Variants in HHAT observed in about 807,000 individuals in gnomAD.
HHAT encodes the protein protein-cysteine N-palmitoyltransferase HHAT.
HHAT carries 47 observed loss-of-function variants against 70.8 expected under a neutral mutation model. The observed-to-expected ratio is 0.66, with a 90% CI of 0.53 to 0.85. The LOEUF (loss-of-function observed/expected upper bound fraction) is 0.85, where lower values mean the gene tolerates loss of function less well. Among genes scored for constraint, HHAT ranks in the 40% least tolerant of loss-of-function variants. The pLI, the probability that HHAT is intolerant of heterozygous loss-of-function variation, is 0.00. For synonymous variants in HHAT, 228 were observed against 247.6 expected (o/e 0.92, Z 0.74); for missense variants, 609 against 604.8 (o/e 1.01, Z -0.07).
chr1:210,572,526 A>G (rs1176742525), intron 9 of HHAT, among the ~76,000 whole-genome samples: 2 of 152,172 alleles, frequency 1.3e-5, no homozygotes, highest in South Asian at 2.1e-4. Context: ...AAGAAAGCCC[A>G]GGATACAATA....
intron 9 of HHAT, among the ~76,000 whole-genome samples, chr1:210,538,214 G>C (rs1042505236): frequency 6.6e-6 from 1 of 151,936 alleles, no homozygotes; most frequent in Admixed American, 6.6e-5. Flanking sequence ...ATTCCTCATT[G>C]ATAGATAGCA....
intron 3 of HHAT, among the ~76,000 whole-genome samples, chr1:210,369,014 G>T (rs867370694): frequency 2.2e-4 from 34 of 152,032 alleles, no homozygotes; most frequent in Non-Finnish European, 4.6e-4. Context: ...GGAGGCGGAG[G>T]TTGCAGTGAG....
intron 8 of HHAT, among the ~76,000 whole-genome samples, chr1:210,494,836 G>A (rs2094609521): frequency 6.6e-6 from 1 of 152,148 alleles, no homozygotes; most frequent in South Asian, 2.1e-4. Flanking sequence ...CCAGGCATGA[G>A]CCACTGTGCC....
Position 210,651,565 on chromosome 1 carries a change from C to T in HHAT, c.1391-22723C>T, listed in dbSNP as rs533983761. 3.9e-5 allele frequency among the ~76,000 whole-genome samples: 6 copies of T among 152,270 alleles called. No individual in the cohort carries two copies. In the South Asian group the frequency reaches 1.2e-3, roughly 32 times the overall value. On this transcript the variant is annotated intron_variant, in intron 11 of 11. Transcript: ENST00000261458. ...ACGATGGAACCTCAGAGCAGGGGGA[C>T]TGCGCAGCCAGCTCTCAGACCCCAA... is the stretch of plus-strand genomic sequence containing the variant.
chr1:210,575,336 A>G (rs751690675), intron 9 of HHAT, among the ~76,000 whole-genome samples: 2 of 152,104 alleles, frequency 1.3e-5, no homozygotes, highest in Non-Finnish European at 2.9e-5. Context: ...CAGCCAGAAA[A>G]TCTTGGTGGT....
chr1:210,661,343 A>C (rs994869444), intron 11 of HHAT, among the ~76,000 whole-genome samples: 1 of 152,220 alleles, frequency 6.6e-6, no homozygotes, highest in African/African-American at 2.4e-5. Context: ...AATCAAAACC[A>C]CAATGAGATA....
chr1:210,618,499 A>G (rs2148862706), intron 10 of HHAT, among the ~76,000 whole-genome samples: 1 of 152,262 alleles, frequency 6.6e-6, no homozygotes, highest in South Asian at 2.1e-4. Context: ...TAGCTTCTCC[A>G]CCACTTAAAA....
intron 9 of HHAT, among the ~76,000 whole-genome samples, chr1:210,558,260 C>G (rs1164732996): frequency 6.6e-6 from 1 of 152,218 alleles, no homozygotes; most frequent in Non-Finnish European, 1.5e-5. Flanking sequence ...ACCTAGTGGT[C>G]TCAGTGTCCC....
chr1:210,547,529 G>C (rs1471669967), intron 9 of HHAT, among the ~76,000 whole-genome samples: 1 of 152,130 alleles, frequency 6.6e-6, no homozygotes, highest in East Asian at 1.9e-4. Context: ...GTTGTGATGA[G>C]GGCATATTTA....
At chr1:210,633,335 G>A (rs61827411) in intron 11 of HHAT, among the ~76,000 whole-genome samples, 5,686 of 152,328 alleles carry the variant, frequency 0.037, 153 homozygotes, top group Non-Finnish European at 0.06. Context: ...CATTCCAACA[G>A]TGTGAAGTGA....
At chr1:210,524,945 AG>A (rs1214999018) in intron 9 of HHAT, among the ~76,000 whole-genome samples, 5 of 152,062 alleles carry the variant, frequency 3.3e-5, no homozygotes, top group African/African-American at 1.2e-4. Context: ...CAGTTAAGTG[AG>A]GGTGGGTTGT....
At chr1:210,448,327 A>C (rs6678192) in intron 7 of HHAT, among the ~76,000 whole-genome samples, 52,528 of 151,820 alleles carry the variant, frequency 0.35, 9,481 homozygotes, top group South Asian at 0.48. Context: ...GGTGATCTGC[A>C]CACCTCAGTT....
At position 210,418,330 on chromosome 1, in the gene HHAT, T is replaced by G; in HGVS notation, c.856+5T>G. 1 of 1,571,330 alleles carries G rather than the reference T, an allele frequency of 6.4e-7. No homozygotes were observed. The highest frequency in any genetic ancestry group is 1.2e-5 in the South Asian group (1 of 83,324). On this transcript the variant is annotated splice_donor_5th_base_variant and intron_variant, in intron 7 of 11. Transcript: ENST00000261458. Reference sequence around the variant, plus strand: ...CTGTCTCTTGTTGGACCTTAGGTAATTGTGGGAATCACCAACAGTGGGATG... The same window carrying G: ...CTGTCTCTTGTTGGACCTTAGGTAAGTGTGGGAATCACCAACAGTGGGATG...
At chr1:210,348,736 C>CGTGTGTGTGTGTGTGTGTGT (rs71303046) in intron 1 of HHAT, among the ~76,000 whole-genome samples, 197 bp from the exon 2 acceptor site, 8 of 147,938 alleles carry the variant, frequency 5.4e-5, no homozygotes, top group South Asian at 2.2e-4. Context: ...TGTATGTGTG[C>CGTGTGTGTGTGTGTGTGTGT]GTGTGTGTGT....
At chr1:210,634,973 G>A (rs189330302) in intron 11 of HHAT, among the ~76,000 whole-genome samples, 15 of 152,342 alleles carry the variant, frequency 9.8e-5, no homozygotes, top group Admixed American at 9.2e-4. Flanking sequence ...ACTGCTAGAA[G>A]GAGAGGGTTT....
intron 7 of HHAT, among the ~76,000 whole-genome samples, chr1:210,423,207 T>G (rs2092956985): frequency 1.3e-5 from 2 of 152,220 alleles, no homozygotes; most frequent in African/African-American, 4.8e-5. Context: ...GAATTTACTT[T>G]TCTCTTCATC....
intron 10 of HHAT, among the ~76,000 whole-genome samples, chr1:210,599,330 T>C (rs146798217): frequency 2.0e-3 from 311 of 152,332 alleles, no homozygotes; most frequent in African/African-American, 7.3e-3. Flanking sequence ...ATAGTGTGTC[T>C]GACCCTGCTG....
chr1:210,625,207 T>C (rs1242654443), intron 11 of HHAT, among the ~76,000 whole-genome samples: 1 of 152,160 alleles, frequency 6.6e-6, no homozygotes, highest in Non-Finnish European at 1.5e-5. Flanking sequence ...TGTCCTTTAA[T>C]AAAGATGAGA....
intron 8 of HHAT, among the ~76,000 whole-genome samples, chr1:210,505,928 C>T (rs753206774): frequency 9.9e-5 from 15 of 152,140 alleles, no homozygotes; most frequent in Non-Finnish European, 7.3e-5. Context: ...TCCACCCAGC[C>T]GAGATTAGTC....
Sources: gnomAD v4.1 joint callset for allele counts (sites outside exome capture counted in the v4.1 genomes callset) on GRCh38, gnomAD v4.1.1 for gene constraint, MANE v1.5 for transcripts, NCBI Gene and HGNC (gene_info 2026-07-23, HGNC 2026-07-21) for gene names.